Variants in AREL1 observed in about 807,000 individuals in gnomAD.
AREL1 encodes apoptosis resistant E3 ubiquitin protein ligase 1.
AREL1 carries 62 observed loss-of-function variants against 99.0 expected under a neutral mutation model. The ratio of observed to expected loss-of-function variants is 0.63; its 90% confidence interval spans 0.51 to 0.77. AREL1 has a LOEUF of 0.77. Ranked by LOEUF, AREL1 falls within the 30% of genes least tolerant of loss-of-function variation. AREL1 has a pLI of 0.00. For missense variants in AREL1, 879 were observed against 1,027.6 expected, an observed-to-expected ratio of 0.86 and a Z score of 1.98; for synonymous variants, 380 against 376.5, an observed-to-expected ratio of 1.01 and a Z score of -0.11.
In AREL1 at chr14:74,664,613, A is replaced by ATT. The variant is rs747317541; in HGVS notation, c.2193+221_2193+222dup. ...AGGCATGTGCCACCACACCCAGCTA[A>ATT]TTTTTTTTTTTTTTTTTTTGTATTG... On this transcript the variant is annotated intron_variant, in intron 18 of 19. Coordinates refer to ENST00000356357, the MANE Select transcript of AREL1 (RefSeq NM_001039479.2). 6.7e-3 allele frequency among the ~76,000 whole-genome samples: 786 copies of ATT among 117,960 alleles called. 8 individuals carry two copies. Among genetic ancestry groups the ATT allele is most frequent in the South Asian group, 0.027 (94 of 3,482 alleles). The allele number at this position is 117,960 out of a possible 152,430, so 77.4% of individuals were successfully genotyped here.
intron 1 of AREL1, among the ~76,000 whole-genome samples, chr14:74,703,541 T>A (rs961666282): frequency 6.6e-6 from 1 of 152,184 alleles, no homozygotes; most frequent in Non-Finnish European, 1.5e-5. Context: ...GATATCCAGG[T>A]GAATACATTC....
intron 1 of AREL1, among the ~76,000 whole-genome samples, chr14:74,694,628 T>C (rs1470039499): frequency 1.3e-5 from 2 of 152,200 alleles, no homozygotes; most frequent in African/African-American, 2.4e-5. Context: ...GAACACATTT[T>C]TGGTGGGGAC....
chr14:74,662,937 C>A lies in AREL1; in HGVS notation c.*783G>T, dbSNP rs777391393. On this transcript the variant is annotated 3_prime_UTR_variant, in exon 20 of 20. Transcript: ENST00000356357. ...GGAAAAGCATCAGTAGTCTCCAAGC[C>A]AGCCATATGCCTAGGCATGCCCCAC... 1.5e-5 allele frequency: 4 copies of A among 265,772 alleles called. No homozygotes were observed. Among genetic ancestry groups the A allele is most frequent in the African/African-American group, 2.2e-5 (1 of 45,572 alleles). The allele number at this position is 265,772 out of a possible 1,614,324, so 16.5% of individuals were successfully genotyped here. A position where few individuals can be genotyped will look rare whatever the true frequency, so the allele number is the denominator to read the frequency against.
intron 1 of AREL1, among the ~76,000 whole-genome samples, chr14:74,703,973 T>C (rs1426353352): frequency 1.3e-5 from 2 of 152,186 alleles, no homozygotes; most frequent in Non-Finnish European, 2.9e-5. Context: ...AAGAGGCAGG[T>C]TGCTCTATAT....
intron 1 of AREL1, among the ~76,000 whole-genome samples, chr14:74,703,847 A>G (rs1018170410): frequency 6.6e-6 from 1 of 152,160 alleles, no homozygotes; most frequent in Non-Finnish European, 1.5e-5. Context: ...CTCTTGGGTA[A>G]ATATCTAAGA....
intron 1 of AREL1, among the ~76,000 whole-genome samples, chr14:74,703,267 G>A (rs1270281787): frequency 6.6e-6 from 1 of 152,170 alleles, no homozygotes; most frequent in Non-Finnish European, 1.5e-5. Context: ...TGTCTTACGT[G>A]GCAGCAGGCA....
intron 1 of AREL1, among the ~76,000 whole-genome samples, chr14:74,709,827 T>C (rs558006264): frequency 6.6e-6 from 1 of 152,350 alleles, no homozygotes; most frequent in African/African-American, 2.4e-5. Flanking sequence ...AAATACAAGA[T>C]GTTCTTTAAG....
rs767005007 is a variant in AREL1 at position 74,663,981 on chromosome 14, G to T, written c.2287C>A (p.Pro763Thr). ...GGACAGAGGGCGGCAAAGCCTCCAGGTGGTAGCTGAGAGGAGCCTGTTGTG... is the reference window on the plus strand; with the variant it reads ...GGACAGAGGGCGGCAAAGCCTCCAGTTGGTAGCTGAGAGGAGCCTGTTGTG... ...QFTTGSSQLP[P>T]GGFAALCPSF... is the part of the protein sequence containing the mutation. The change falls in exon 19 of 20, where the codon CCT (proline) becomes ACT (threonine). Residue 763 changes from proline (P) to threonine (T), a missense_variant. Physicochemically the swap from Pro to Thr is conservative, Grantham distance 38 (BLOSUM62 -1). Transcript: ENST00000356357. 1.9e-6 allele frequency: 3 copies of T among 1,614,100 alleles called. No homozygotes were observed. The highest frequency in any genetic ancestry group is 2.5e-6 in the Non-Finnish European group (3 of 1,180,050).
intron 5 of AREL1, 136 bp downstream of exon 5, chr14:74,683,160 G>A (rs1196738625): frequency 2.9e-6 from 2 of 683,600 alleles, no homozygotes; most frequent in Non-Finnish European, 4.8e-6. Context: ...CCATTAAACT[G>A]TATACTTTAA....
In AREL1 at chr14:74,675,870, A is replaced by G. The variant is rs2089460114; in HGVS notation, c.909T>C (p.Asn303=). The G allele has an allele frequency of 6.2e-7, 1 of 1,614,148 alleles. No individual in the cohort carries two copies. The highest frequency in any genetic ancestry group is 8.5e-7 in the Non-Finnish European group (1 of 1,179,990). The change falls in exon 8 of 20, where the codon AAT becomes AAC. Residue 303 remains asparagine, a synonymous_variant. Coordinates refer to ENST00000356357, the MANE Select transcript of AREL1 (RefSeq NM_001039479.2). ...VSIYFEAYLY[N]ATNCSSTPWH... The stretch of plus-strand genomic sequence containing the variant: ...ATGGAGTGCTGCTACAGTTGGTAGC[A>G]TTATAAAGATAAGCCTCAAAGTAAA...
chr14:74,689,261 T>A (rs111844385), intron 2 of AREL1, among the ~76,000 whole-genome samples: 32 of 152,320 alleles, frequency 2.1e-4, no homozygotes, highest in African/African-American at 7.7e-4. Flanking sequence ...CTGTCCTGTA[T>A]CTACTGCTAC....
chr14:74,664,514 C>T (rs570705292), intron 18 of AREL1, among the ~76,000 whole-genome samples: 1 of 134,468 alleles, frequency 7.4e-6, no homozygotes, highest in East Asian at 2.2e-4. Flanking sequence ...AGTGCAGTGG[C>T]GTGATCTCAG....
chr14:74,696,372 A>C (rs1229823042), intron 1 of AREL1, among the ~76,000 whole-genome samples: 14 of 152,330 alleles, frequency 9.2e-5, no homozygotes, highest in Non-Finnish European at 1.5e-5. Context: ...CCCATACCCC[A>C]ATTAGGAATT....
At chr14:74,697,413 T>C (rs1005719909) in intron 1 of AREL1, among the ~76,000 whole-genome samples, 1 of 152,294 alleles carries the variant, frequency 6.6e-6, no homozygotes, top group Non-Finnish European at 1.5e-5. Context: ...GTGCACAGGT[T>C]AGGGTGGTCT....
At position 74,684,542 on chromosome 14, in the gene AREL1, C is replaced by T. The variant is rs2139921345; in HGVS notation, c.155G>A (p.Gly52Glu). 1 of 1,614,144 alleles carries T rather than the reference C, an allele frequency of 6.2e-7. No individual in the cohort carries two copies. The highest frequency in any genetic ancestry group is 1.7e-5 in the Admixed American group (1 of 60,020). Residue 52 changes from glycine (G) to glutamate (E), a missense_variant, in exon 4 of 20, where the codon GGA becomes GAA. By Grantham distance (98) the Gly-to-Glu change is moderately conservative (BLOSUM62 -2). Transcript: ENST00000356357. ...GCAAGACCGGGGATCCAGGTAATTT[C>T]CCCGCACGTAGTCATAAATAGTCCG... ...GDRTIYDYVR[G>E]NYLDPRSCKV...
At chr14:74,696,067 T>C (rs910828600) in intron 1 of AREL1, among the ~76,000 whole-genome samples, 1 of 152,230 alleles carries the variant, frequency 6.6e-6, no homozygotes, top group Non-Finnish European at 1.5e-5. Flanking sequence ...TTACATATTA[T>C]CTGTGGCTGC....
intron 1 of AREL1, chr14:74,712,064 AAAAGAAAAAAAAAGAAAGAAAGAAAG>A (rs2090315515): frequency 2.1e-5 from 1 of 47,748 alleles, no homozygotes; most frequent in East Asian, 5.9e-4. Flanking sequence ...AAAAAAAAAA[AAAAGAAAAAAAAAGAAAGAAAGAAAG>A]AAAGAAAAAG....
chr14:74,670,520 A>C, intron 13 of AREL1: 1 of 474,234 alleles, frequency 2.1e-6, no homozygotes, highest in Non-Finnish European at 3.8e-6. Flanking sequence ...TTAGTAGAGT[A>C]GACATTATAC....
intron 2 of AREL1, among the ~76,000 whole-genome samples, chr14:74,690,486 T>C (rs535908001): frequency 3.9e-5 from 6 of 152,272 alleles, no homozygotes; most frequent in Non-Finnish European, 8.8e-5. Flanking sequence ...AACCTAAAAG[T>C]TGCCAATTTA....
Sources: allele counts gnomAD v4.1 joint callset (sites outside exome capture counted in the v4.1 genomes callset), GRCh38; gene constraint gnomAD v4.1.1; transcripts MANE v1.5; gene names NCBI Gene and HGNC (gene_info 2026-07-23, HGNC 2026-07-21).